The following MAPKAPK5 variants were observed in gnomAD, a reference collection of about 807,000 sequenced individuals.
The protein encoded by MAPKAPK5 is MAP kinase-activated protein kinase 5.
Under a neutral mutation model 65.1 loss-of-function variants are expected in MAPKAPK5, and 30 were observed. That is an observed-to-expected ratio of 0.46 (90% confidence interval 0.34 to 0.63). The LOEUF is 0.63. Ranked by LOEUF, MAPKAPK5 falls within the 20% of genes least tolerant of loss-of-function variation. The probability of loss-of-function intolerance (pLI) is 0.01; values close to 1 mark genes in which losing one functional copy is unlikely to be tolerated. For synonymous variants in MAPKAPK5, 179 were observed against 204.6 expected (o/e 0.87, Z 1.07); for missense variants, 433 against 581.4 (o/e 0.74, Z 2.63).
chr12:111,869,010 C>A, intron 5 of MAPKAPK5, 149 bp downstream of exon 5: 1 of 649,666 alleles, frequency 1.5e-6, no homozygotes, highest in Non-Finnish European at 2.6e-6. Flanking sequence ...GATGTTTTGA[C>A]AGGAGAAATG....
At position 111,897,938 on chromosome 12, in the gene MAPKAPK5, C is replaced by T. The variant is rs1326826740; in HGVS notation, c.*4877C>T. 1 of 151,218 alleles carries T rather than the reference C, an allele frequency of 6.6e-6. No individual in the cohort carries two copies. Among genetic ancestry groups the T allele is most frequent in the East Asian group, 1.9e-4 (1 of 5,174 alleles). The allele number at this position is 151,218 out of a possible 1,614,324, so 9.4% of individuals were successfully genotyped here. The stretch of plus-strand genomic sequence containing the variant: ...TTTATTTTTCTTCATCTAGAATGCA[C>T]AGAATAACTGCGTAAGGAATGGGTG... On this transcript the variant is annotated 3_prime_UTR_variant, in exon 14 of 14. Transcript: ENST00000550735.
rs1210172057 is a variant in MAPKAPK5 at position 111,895,290 on chromosome 12, A to G, written c.*2229A>G. The stretch of plus-strand genomic sequence containing the variant: ...ATTTCTTTTTGTATTTTTAGTAGAG[A>G]CAGGGTTTCACCGTGTTAGCCAGGA... On this transcript the variant is annotated 3_prime_UTR_variant, in exon 14 of 14. Coordinates refer to ENST00000550735, the MANE Select transcript of MAPKAPK5 (RefSeq NM_003668.4). 6.6e-6 allele frequency: 1 copy of G among 151,760 alleles called. No homozygotes were observed. Among genetic ancestry groups the G allele is most frequent in the Non-Finnish European group, 1.5e-5 (1 of 68,034 alleles). 9.4% of individuals were successfully genotyped at this position (151,760 alleles called of 1,614,324 possible). A position where few individuals can be genotyped will look rare whatever the true frequency, so the allele number is the denominator to read the frequency against.
intron 7 of MAPKAPK5, among the ~76,000 whole-genome samples, chr12:111,873,335 T>G (rs1478019272): frequency 6.6e-6 from 1 of 151,734 alleles, no homozygotes; most frequent in East Asian, 1.9e-4. Context: ...TGCAGTTTTT[T>G]GTTTGTTTGT....
intron 12 of MAPKAPK5, chr12:111,889,804 C>A: frequency 2.4e-6 from 1 of 423,912 alleles, no homozygotes; most frequent in Non-Finnish European, 4.4e-6. Flanking sequence ...TCCCCTGGTG[C>A]TAAGACTCTG....
intron 1 of MAPKAPK5, among the ~76,000 whole-genome samples, chr12:111,844,528 C>T (rs980995636): frequency 4.6e-5 from 7 of 152,148 alleles, no homozygotes; most frequent in Non-Finnish European, 7.3e-5. Context: ...CATGATATGC[C>T]GCCTGAAGTT....
chr12:111,900,680 C>T lies in MAPKAPK5; in HGVS notation c.*7619C>T, dbSNP rs1347483102. 2.2e-6 allele frequency: 1 copy of T among 456,106 alleles called. No individual in the cohort carries two copies. Among genetic ancestry groups the T allele is most frequent in the Non-Finnish European group, 4.4e-6 (1 of 226,804 alleles). 28.3% of individuals were successfully genotyped at this position (456,106 alleles called of 1,614,324 possible). A position where few individuals can be genotyped will look rare whatever the true frequency, so the allele number is the denominator to read the frequency against. On this transcript the variant is annotated 3_prime_UTR_variant, in exon 14 of 14. Coordinates refer to ENST00000550735, the MANE Select transcript of MAPKAPK5 (RefSeq NM_003668.4). ...GTATACTGAAGGCGAAAGCAGAGTG[C>T]AGTGATGGTCCATGTTGTCATAAGT... is the stretch of plus-strand genomic sequence containing the variant.
Position 111,896,796 on chromosome 12 carries a change from T to TATGA in MAPKAPK5, c.*3738_*3741dup, listed in dbSNP as rs1593198767. 1 of 152,138 alleles carries TATGA rather than the reference T, an allele frequency of 6.6e-6. No homozygotes were observed. The highest frequency in any genetic ancestry group is 1.9e-4 in the East Asian group (1 of 5,192). The allele number at this position is 152,138 out of a possible 1,614,324, so 9.4% of individuals were successfully genotyped here. A position where few individuals can be genotyped will look rare whatever the true frequency, so the allele number is the denominator to read the frequency against. ...AACTTGTCTCTCTCTGACTAATATG[T>TATGA]ATGAATATAGGAGAATCCCAGTCTG... is the stretch of plus-strand genomic sequence containing the variant. On this transcript the variant is annotated 3_prime_UTR_variant, in exon 14 of 14. Coordinates refer to ENST00000550735, the MANE Select transcript of MAPKAPK5 (RefSeq NM_003668.4).
At position 111,901,638 on chromosome 12, in the gene MAPKAPK5, AAGAAG is replaced by A. The variant is rs1183082662; in HGVS notation, c.*8583_*8587del. On this transcript the variant is annotated 3_prime_UTR_variant, in exon 14 of 14. Transcript: ENST00000550735. ...GCAGCAGAAGTGGCCACAGAAGAAA[AAGAAG>A]AGAAGGAGGAAGAAAAAGAAGAGGA... 5 of 274,678 alleles carry A rather than the reference AAGAAG, an allele frequency of 1.8e-5. No homozygotes were observed. Among genetic ancestry groups the A allele is most frequent in the South Asian group, 7.1e-5 (2 of 28,218 alleles). The allele number at this position is 274,678 out of a possible 1,614,324, so 17.0% of individuals were successfully genotyped here.
At chr12:111,881,403 C>CTTTTTTTTTTTTTTTTTT (rs61349417) in intron 8 of MAPKAPK5, among the ~76,000 whole-genome samples, 1 of 110,722 alleles carries the variant, frequency 9.0e-6, no homozygotes, top group Non-Finnish European at 1.8e-5. Context: ...CTGTCTGTTC[C>CTTTTTTTTTTTTTTTTTT]TTTTTTTTTT....
chr12:111,845,207 C>T (rs576169213), intron 1 of MAPKAPK5, among the ~76,000 whole-genome samples: 10 of 151,758 alleles, frequency 6.6e-5, no homozygotes, highest in South Asian at 4.2e-4. Flanking sequence ...TCACTGCAGC[C>T]GCCTCCTCCC....
intron 1 of MAPKAPK5, among the ~76,000 whole-genome samples, chr12:111,864,224 A>G (rs886517351): frequency 4.6e-5 from 7 of 152,096 alleles, no homozygotes; most frequent in Non-Finnish European, 8.8e-5. Flanking sequence ...GCAGTGAGAA[A>G]TGATCACACC....
intron 6 of MAPKAPK5, 84 bp from the exon 7 acceptor site, chr12:111,871,001 A>G (rs2069765575): frequency 2.1e-6 from 2 of 962,172 alleles, no homozygotes; most frequent in Non-Finnish European, 3.2e-6. Context: ...GTTAGATCTC[A>G]GGGTAACATG....
At chr12:111,857,819 G>C (rs982519758) in intron 1 of MAPKAPK5, among the ~76,000 whole-genome samples, 3 of 151,954 alleles carry the variant, frequency 2.0e-5, no homozygotes. Flanking sequence ...TATTTATATT[G>C]CTGTCCATGA....
chr12:111,880,671 A>G (rs970857101), intron 8 of MAPKAPK5, 144 bp downstream of exon 8: 28 of 670,672 alleles, frequency 4.2e-5, no homozygotes, highest in Middle Eastern at 4.0e-4. Flanking sequence ...CTCGCAGAAA[A>G]GTATTTGGAA....
chr12:111,850,590 C>T (rs1175958426), intron 1 of MAPKAPK5, among the ~76,000 whole-genome samples: 3 of 152,086 alleles, frequency 2.0e-5, no homozygotes, highest in East Asian at 1.9e-4. Context: ...TTCCCAGATG[C>T]CATTAAGAAA....
intron 11 of MAPKAPK5, 72 bp from the exon 12 acceptor site, chr12:111,888,812 TA>T: frequency 6.4e-7 from 1 of 1,567,634 alleles, no homozygotes; most frequent in South Asian, 1.2e-5. Context: ...GCCTTATGTT[TA>T]GAGGTAATAT....
chr12:111,890,244 A>G, intron 13 of MAPKAPK5, 100 bp downstream of exon 13: 1 of 865,164 alleles, frequency 1.2e-6, no homozygotes, highest in Non-Finnish European at 1.9e-6. Context: ...GCTGTTTTGA[A>G]GTGAAGTGAG....
intron 13 of MAPKAPK5, among the ~76,000 whole-genome samples, chr12:111,891,619 C>T (rs976616920): frequency 7.0e-6 from 1 of 143,500 alleles, no homozygotes; most frequent in African/African-American, 2.6e-5. Context: ...CGGTGAAACC[C>T]CACCTCTACT....
At chr12:111,886,602 T>C (rs1170692452) in intron 10 of MAPKAPK5, among the ~76,000 whole-genome samples, 1 of 152,242 alleles carries the variant, frequency 6.6e-6, no homozygotes, top group Non-Finnish European at 1.5e-5. Context: ...TAAACGCCCA[T>C]GCGTGGCGAA....
Sources: allele counts gnomAD v4.1 joint callset (sites outside exome capture counted in the v4.1 genomes callset), GRCh38; gene constraint gnomAD v4.1.1; transcripts MANE v1.5; gene names NCBI Gene and HGNC (gene_info 2026-07-23, HGNC 2026-07-21).